The following ABCC9 variants were observed in gnomAD, a reference collection of about 807,000 sequenced individuals.
The protein encoded by ABCC9 is ATP binding cassette subfamily C member 9.
In ABCC9, 95 loss-of-function variants were observed where a neutral mutation model predicts 188.3. The observed-to-expected ratio is 0.50, with a 90% CI of 0.43 to 0.60. The LOEUF (loss-of-function observed/expected upper bound fraction) is 0.60. Among genes scored for constraint, ABCC9 ranks in the 20% least tolerant of loss-of-function variants. The probability of loss-of-function intolerance (pLI) is 0.00; values close to 1 mark genes in which losing one functional copy is unlikely to be tolerated. For synonymous variants in ABCC9, 659 were observed against 652.7 expected, an observed-to-expected ratio of 1.01 and a Z score of -0.15; for missense variants, 1,102 against 1,876.3, an observed-to-expected ratio of 0.59 and a Z score of 7.62.
intron 35 of ABCC9, among the ~76,000 whole-genome samples, chr12:21,814,421 A>T (rs751606135): frequency 1.3e-4 from 20 of 152,216 alleles, no homozygotes; most frequent in Non-Finnish European, 2.9e-4. Flanking sequence ...ATGCTTTAGC[A>T]ATAATGTATA....
chr12:21,830,585 G>T (rs577362359), intron 30 of ABCC9, among the ~76,000 whole-genome samples: 2 of 152,304 alleles, frequency 1.3e-5, no homozygotes, highest in African/African-American at 4.8e-5. Context: ...CCTGGGAGGG[G>T]TGTTCATTTG....
At chr12:21,831,986 T>C (rs967524485) in intron 30 of ABCC9, among the ~76,000 whole-genome samples, 1 of 152,108 alleles carries the variant, frequency 6.6e-6, no homozygotes, top group African/African-American at 2.4e-5. Context: ...GTAAATGGAG[T>C]TGGCAATAGT....
At chr12:21,861,835 GT>G (rs1945521556) in intron 20 of ABCC9, among the ~76,000 whole-genome samples, 1 of 152,086 alleles carries the variant, frequency 6.6e-6, no homozygotes, top group Non-Finnish European at 1.5e-5. Context: ...TAAAGCAGAG[GT>G]TGTGAGTGGG....
intron 16 of ABCC9, among the ~76,000 whole-genome samples, chr12:21,875,970 G>T (rs1310850650): frequency 2.0e-5 from 3 of 152,018 alleles, no homozygotes; most frequent in Non-Finnish European, 4.4e-5. Flanking sequence ...TGTAGTCCCA[G>T]CTACTCGGGA....
intron 28 of ABCC9, among the ~76,000 whole-genome samples, chr12:21,843,090 A>G (rs905298436): frequency 2.0e-5 from 3 of 152,142 alleles, no homozygotes; most frequent in African/African-American, 7.2e-5. Flanking sequence ...TGTGGGCTCA[A>G]AAGTAACCTA....
intron 15 of ABCC9, among the ~76,000 whole-genome samples, chr12:21,884,845 C>T (rs1010720752): frequency 6.6e-6 from 1 of 152,156 alleles, no homozygotes; most frequent in Non-Finnish European, 1.5e-5. Flanking sequence ...CTACAGCCCT[C>T]ACAAATACTC....
In ABCC9 at chr12:21,880,014, G is replaced by A. The variant is rs1258022980; in HGVS notation, c.2019+2752C>T. 2.0e-5 allele frequency among the ~76,000 whole-genome samples: 3 copies of A among 151,318 alleles called. No homozygotes were observed. The East Asian group carries it at 5.8e-4, about 29-fold the overall frequency. ...ACATATAGATCCTTGATGTGTAACTGATATCACACTGAAGATCAGTGGGGA... is the reference window on the plus strand; with the variant it reads ...ACATATAGATCCTTGATGTGTAACTAATATCACACTGAAGATCAGTGGGGA... On this transcript the variant is annotated intron_variant, in intron 16 of 39. Coordinates refer to ENST00000261200, the MANE Select transcript of ABCC9 (RefSeq NM_020297.4).
Position 21,910,311 on chromosome 12 carries a change from GCCTACC to G in ABCC9, c.1165-5_1165del. ...CCTAAGGATTTTATTATAAATCATGGCCTACCAAAAAAAAAAAAAAGAGTACATAAA... is the reference window on the plus strand; with the variant it reads ...CCTAAGGATTTTATTATAAATCATGGAAAAAAAAAAAAAAGAGTACATAAA... On this transcript the variant is annotated splice_acceptor_variant and splice_polypyrimidine_tract_variant and coding_sequence_variant and intron_variant, in exon 10 of 40. Coordinates refer to ENST00000261200, the MANE Select transcript of ABCC9 (RefSeq NM_020297.4). LOFTEE classifies it high-confidence loss of function. 1.3e-6 allele frequency: 2 copies of G among 1,560,168 alleles called. No homozygotes were observed. The highest frequency in any genetic ancestry group is 1.9e-5 in the Admixed American group (1 of 52,288).
chr12:21,855,915 G>T (rs1945203378), intron 22 of ABCC9, among the ~76,000 whole-genome samples: 2 of 152,130 alleles, frequency 1.3e-5, no homozygotes, highest in African/African-American at 4.8e-5. Flanking sequence ...CCAGCCATCT[G>T]ACTTTCTATC....
intron 10 of ABCC9, among the ~76,000 whole-genome samples, chr12:21,908,538 C>A (rs189841163): frequency 6.6e-6 from 1 of 151,908 alleles, no homozygotes; most frequent in Non-Finnish European, 1.5e-5. Context: ...TTTAAGTAGT[C>A]TTCAGATTTT....
chr12:21,910,761 A>G (rs1303786114), intron 9 of ABCC9, 65 bp downstream of exon 9: 3 of 1,453,450 alleles, frequency 2.1e-6, no homozygotes, highest in African/African-American at 1.4e-5. Flanking sequence ...AGCTACCGCT[A>G]TTCTTTTCAC....
chr12:21,925,441 A>C, intron 5 of ABCC9: 1 of 698,874 alleles, frequency 1.4e-6, no homozygotes, highest in Middle Eastern at 2.3e-4. Flanking sequence ...ATTATGCTAG[A>C]AACATACTCT....
chr12:21,838,819 A>G (rs11046204), intron 29 of ABCC9, among the ~76,000 whole-genome samples: 7,813 of 152,192 alleles, frequency 0.051, 330 homozygotes, highest in South Asian at 0.11. Flanking sequence ...GGACACTTGA[A>G]GCCAGGAGTT....
At chr12:21,905,475 A>G (rs571248311) in intron 12 of ABCC9, among the ~76,000 whole-genome samples, 90 of 152,250 alleles carry the variant, frequency 5.9e-4, no homozygotes, top group African/African-American at 2.0e-3. Context: ...GAGAGTTACT[A>G]TATTTTGTAA....
At chr12:21,923,731 T>C (rs1228170996) in intron 5 of ABCC9, 4 of 637,080 alleles carry the variant, frequency 6.3e-6, no homozygotes, top group East Asian at 2.8e-5. Context: ...AATATGAACA[T>C]TTACCCACTT....
rs533326431 is a variant in ABCC9 at position 21,853,113 on chromosome 12, G to A, written c.2506-608C>T. ...GCAGATCACCTGAGGTCAGGAGTTC[G>A]AGACCAGCCTGGCCAACATGGTGAA... is the stretch of plus-strand genomic sequence containing the variant. On this transcript the variant is annotated intron_variant, in intron 22 of 39. Coordinates refer to ENST00000261200, the MANE Select transcript of ABCC9 (RefSeq NM_020297.4). Among the ~76,000 whole-genome samples, 314 of 152,180 alleles carry A rather than the reference G, an allele frequency of 2.1e-3. 1 individual carries two copies. The highest frequency in any genetic ancestry group is 7.1e-3 in the African/African-American group (296 of 41,514).
chr12:21,901,773 A>T, intron 12 of ABCC9, among the ~76,000 whole-genome samples: 1 of 152,340 alleles, frequency 6.6e-6, no homozygotes, highest in South Asian at 2.1e-4. Context: ...ATATATATGC[A>T]TCCAATACAG....
intron 4 of ABCC9, among the ~76,000 whole-genome samples, chr12:21,928,386 AAAG>A (rs1253452722): frequency 6.8e-6 from 1 of 146,908 alleles, no homozygotes; most frequent in Non-Finnish European, 1.5e-5. Context: ...GAGAGAAAGA[AAAG>A]AGGAAGGGAG....
intron 18 of ABCC9, among the ~76,000 whole-genome samples, chr12:21,869,262 C>A (rs755796409): frequency 1.1e-4 from 16 of 152,184 alleles, no homozygotes; most frequent in Non-Finnish European, 2.2e-4. Context: ...CTTACACTTT[C>A]ATCCTGCTGG....
Sources: gnomAD v4.1 joint callset for allele counts (sites outside exome capture counted in the v4.1 genomes callset) on GRCh38, gnomAD v4.1.1 for gene constraint, MANE v1.5 for transcripts, NCBI Gene and HGNC (gene_info 2026-07-23, HGNC 2026-07-21) for gene names.